The following AGAP3 variants were observed in gnomAD, a reference collection of about 807,000 sequenced individuals.
AGAP3 encodes the protein ArfGAP with GTPase domain, ankyrin repeat and PH domain 3.
AGAP3 carries 24 observed loss-of-function variants against 96.9 expected under a neutral mutation model. The observed-to-expected ratio is 0.25, with a 90% CI of 0.18 to 0.35. The LOEUF (loss-of-function observed/expected upper bound fraction) is 0.35, where lower values mean the gene tolerates loss of function less well. Ranked by LOEUF, AGAP3 falls within the 10% of genes least tolerant of loss-of-function variation. The probability of loss-of-function intolerance (pLI) is 1.00; values close to 1 mark genes in which losing one functional copy is unlikely to be tolerated. For synonymous variants in AGAP3, 563 were observed against 536.1 expected (o/e 1.05, Z -0.69); for missense variants, 876 against 1,254.2 (o/e 0.70, Z 4.55).
At chr7:151,132,815 C>T (rs1800450603) in intron 10 of AGAP3, among the ~76,000 whole-genome samples, 1 of 152,210 alleles carries the variant, frequency 6.6e-6, no homozygotes, top group Non-Finnish European at 1.5e-5. Flanking sequence ...TCCTTGTCTA[C>T]CTGATGTCTT....
In AGAP3 at chr7:151,128,606, G is replaced by T. The variant is rs1169573003; in HGVS notation, c.1248G>T (p.Lys416Asn). ...KQGILLKRSG[K>N]SLNKEWKKKY... is the part of the protein sequence containing the mutation. ...GGATCCTGCTAAAGCGGAGCGGCAA[G>T]TCCCTGAACAAGGAGTGGAAGAAGA... The change falls in exon 10 of 18, where the codon AAG (lysine) becomes AAT (asparagine). Residue 416 changes from lysine to asparagine, a missense_variant. Lys to Asn is a moderately conservative substitution (Grantham distance 94, BLOSUM62 0). Around this residue, in one of 8 missense-constraint regions of AGAP3, gnomAD observed 63 missense variants for 114.5 expected, o/e 0.55. Coordinates refer to ENST00000397238, the MANE Select transcript of AGAP3 (RefSeq NM_031946.7). The T allele has an allele frequency of 1.2e-6, 2 of 1,613,708 alleles. No homozygotes were observed. Among genetic ancestry groups the T allele is most frequent in the Non-Finnish European group, 1.7e-6 (2 of 1,179,936 alleles).
intron 1 of AGAP3, among the ~76,000 whole-genome samples, chr7:151,091,885 G>A (rs1798413501): frequency 6.6e-6 from 1 of 152,112 alleles, no homozygotes; most frequent in South Asian, 2.1e-4. Context: ...CAGGCCTGGG[G>A]GTCCGGAGGA....
intron 8 of AGAP3, chr7:151,122,594 T>C (rs909294066): frequency 2.0e-6 from 2 of 1,004,050 alleles, no homozygotes; most frequent in Non-Finnish European, 2.9e-6. Context: ...CTTCTCCTCC[T>C]CCTCCTCCTC....
chr7:151,128,762 C>A, intron 10 of AGAP3, 78 bp downstream of exon 10: 1 of 1,256,936 alleles, frequency 8.0e-7, no homozygotes, highest in Non-Finnish European at 1.1e-6. Flanking sequence ...GGGTAGCAGA[C>A]AGGCTCCAGG....
At chr7:151,134,045 C>G (rs1210451623) in intron 10 of AGAP3, among the ~76,000 whole-genome samples, 1 of 152,194 alleles carries the variant, frequency 6.6e-6, no homozygotes, top group Non-Finnish European at 1.5e-5. Context: ...CGCTCCCCTC[C>G]TCAGCCAGGG....
At position 151,142,129 on chromosome 7, in the gene AGAP3, C is replaced by T. The variant is rs767535968; in HGVS notation, c.1960-34C>T. On this transcript the variant is annotated intron_variant, in intron 14 of 17. Coordinates refer to ENST00000397238, the MANE Select transcript of AGAP3 (RefSeq NM_031946.7). The surrounding 1 kb of genome is among the most constrained non-coding windows in gnomAD (Gnocchi z 7.5). The stretch of plus-strand genomic sequence containing the variant: ...GAAAGGGGCCTCATGACTGACCAAC[C>T]GCCCCTTGTCTTGTCTCTCCTGCTG... 133 of 1,610,960 alleles carry T rather than the reference C, an allele frequency of 8.3e-5. No individual in the cohort carries two copies. Among genetic ancestry groups the T allele is most frequent in the Middle Eastern group, 4.9e-4 (3 of 6,068 alleles).
At position 151,142,456 on chromosome 7, in the gene AGAP3, G is replaced by A. The variant is rs1800854099; in HGVS notation, c.2095G>A (p.Glu699Lys). Residue 699 changes from glutamate (E) to lysine (K), a missense_variant, in exon 16 of 18, where the codon GAG becomes AAG. Coordinates refer to ENST00000397238, the MANE Select transcript of AGAP3 (RefSeq NM_031946.7). This position sits in a 1 kb window ranked among gnomAD's most constrained non-coding sequence, Gnocchi z 7.5. ...SLNLGALMCI[E>K]CSGIHRHLGA... Reference sequence around the variant, plus strand: ...GAACCTGGGTGCCCTGATGTGCATTGAGTGCTCAGGCATCCACCGACACCT... The same window carrying A: ...GAACCTGGGTGCCCTGATGTGCATTAAGTGCTCAGGCATCCACCGACACCT... 1 of 1,613,974 alleles carries A rather than the reference G, an allele frequency of 6.2e-7. No homozygotes were observed.
At chr7:151,130,918 G>A (rs1800378398) in intron 10 of AGAP3, among the ~76,000 whole-genome samples, 1 of 152,192 alleles carries the variant, frequency 6.6e-6, no homozygotes, top group Non-Finnish European at 1.5e-5. Flanking sequence ...TCAGTTGCCA[G>A]CAATGAGCAG....
rs1261492717 is a variant in AGAP3, at chr7:151,139,888, A to G, written c.1667-91A>G. 1.4e-5 allele frequency: 17 copies of G among 1,249,724 alleles called. No individual in the cohort carries two copies. Among genetic ancestry groups the G allele is most frequent in the Middle Eastern group, 5.4e-4 (2 of 3,708 alleles). The allele number at this position is 1,249,724 out of a possible 1,614,324, so 77.4% of individuals were successfully genotyped here. A position where few individuals can be genotyped will look rare whatever the true frequency, so the allele number is the denominator to read the frequency against. On this transcript the variant is annotated intron_variant, in intron 12 of 17. Transcript: ENST00000397238. The surrounding 1 kb of genome is among the most constrained non-coding windows in gnomAD (Gnocchi z 4.9). ...TGAGTGTGGCCCAGCTACAGTTGGC[A>G]GGACTGGTCCTCTCCTCCTCCCAGT...
intron 8 of AGAP3, among the ~76,000 whole-genome samples, chr7:151,121,700 G>A (rs1253906954): frequency 6.6e-6 from 1 of 152,072 alleles, no homozygotes; most frequent in African/African-American, 2.4e-5. Context: ...TCCCTCTGGC[G>A]CTTCCATTCT....
intron 1 of AGAP3, among the ~76,000 whole-genome samples, chr7:151,091,507 G>T (rs185159025): frequency 6.6e-6 from 1 of 152,220 alleles, no homozygotes; most frequent in Non-Finnish European, 1.5e-5. Flanking sequence ...GACAGGGAGC[G>T]AAGGGGCCAG....
chr7:151,087,354 G>A (rs1375887063), intron 1 of AGAP3: 4 of 447,826 alleles, frequency 8.9e-6, no homozygotes, highest in Admixed American at 7.7e-5. Context: ...TCCAGGCCTG[G>A]CCGGGGAAGG....
intron 1 of AGAP3, 118 bp downstream of exon 1, chr7:151,087,190 G>A: frequency 9.0e-7 from 1 of 1,116,400 alleles, no homozygotes; most frequent in Non-Finnish European, 1.3e-6. Flanking sequence ...GCGCGCTTGA[G>A]GACCAGGCCA....
At chr7:151,134,596 G>A (rs780165231) in intron 11 of AGAP3, 28 bp downstream of exon 11, 1 of 1,572,208 alleles carries the variant, frequency 6.4e-7, no homozygotes, top group Admixed American at 1.8e-5. Flanking sequence ...GTGGGGGCCT[G>A]GGGGGTGGCT....
At chr7:151,132,141 GAGA>G (rs1013828402) in intron 10 of AGAP3, among the ~76,000 whole-genome samples, 3 of 152,210 alleles carry the variant, frequency 2.0e-5, no homozygotes, top group African/African-American at 7.2e-5. Context: ...CAGGGTGCTG[GAGA>G]AGGATGGATG....
chr7:151,125,239 C>G (rs729711), intron 9 of AGAP3, among the ~76,000 whole-genome samples: 42,756 of 152,108 alleles, frequency 0.28, 6,757 homozygotes, highest in East Asian at 0.55. Context: ...CACACTTCAC[C>G]GAATTCACTA....
At chr7:151,090,827 C>G (rs911646580) in intron 1 of AGAP3, among the ~76,000 whole-genome samples, 1 of 152,152 alleles carries the variant, frequency 6.6e-6, no homozygotes, top group Non-Finnish European at 1.5e-5. Context: ...ACCTGTAGTC[C>G]CAGCTACTCG....
chr7:151,141,776 G>A lies in AGAP3; in HGVS notation c.1805-122G>A. 7.7e-6 allele frequency: 10 copies of A among 1,292,872 alleles called. No individual in the cohort carries two copies. Among genetic ancestry groups the A allele is most frequent in the Non-Finnish European group, 1.1e-5 (10 of 905,166 alleles). The allele number at this position is 1,292,872 out of a possible 1,614,324, so 80.1% of individuals were successfully genotyped here. A position where few individuals can be genotyped will look rare whatever the true frequency, so the allele number is the denominator to read the frequency against. ...CTGGAGTGTGTGGCCTTGCAGCTGGGGAAGGGTCTAGGGGAGGACACTTGC... is the reference window on the plus strand; with the variant it reads ...CTGGAGTGTGTGGCCTTGCAGCTGGAGAAGGGTCTAGGGGAGGACACTTGC... On this transcript the variant is annotated intron_variant, in intron 13 of 17. Transcript: ENST00000397238. This position sits in a 1 kb window ranked among gnomAD's most constrained non-coding sequence, Gnocchi z 4.2.
chr7:151,111,030 C>T (rs186822213), intron 1 of AGAP3, among the ~76,000 whole-genome samples: 41 of 152,234 alleles, frequency 2.7e-4, no homozygotes, highest in Admixed American at 2.7e-3. Context: ...GCGCTCTCCC[C>T]CCGCCCCCCG....
Sources: gnomAD v4.1 joint callset for allele counts (sites outside exome capture counted in the v4.1 genomes callset) on GRCh38, gnomAD v4.1.1 for gene constraint, gnomAD v4.1.1 regional missense constraint, Gnocchi (gnomAD v3.1) non-coding constraint, MANE v1.5 for transcripts, NCBI Gene and HGNC (gene_info 2026-07-23, HGNC 2026-07-21) for gene names.